Variants in HIVEP3 observed in about 807,000 individuals in gnomAD.
The protein encoded by HIVEP3 is HIVEP zinc finger 3.
HIVEP3 carries 49 observed loss-of-function variants against 152.8 expected under a neutral mutation model. The observed-to-expected ratio is 0.32, with a 90% CI of 0.26 to 0.41. HIVEP3 has a LOEUF of 0.41. HIVEP3 is among the 10% of genes least tolerant of loss of function. The probability of loss-of-function intolerance (pLI) is 1.00; values close to 1 mark genes in which losing one functional copy is unlikely to be tolerated. For missense variants in HIVEP3, 2,790 were observed against 3,103.3 expected, an observed-to-expected ratio of 0.90 and a Z score of 2.40; for synonymous variants, 1,269 against 1,289.0, an observed-to-expected ratio of 0.98 and a Z score of 0.33.
rs1159157139 is a variant in HIVEP3 at position 41,585,215 on chromosome 1, G to A, written c.-418C>T. 5.0e-6 allele frequency: 2 copies of A among 399,036 alleles called. No individual in the cohort carries two copies. Among genetic ancestry groups the A allele is most frequent in the East Asian group, 7.1e-5 (2 of 28,078 alleles). 24.7% of individuals were successfully genotyped at this position (399,036 alleles called of 1,614,324 possible). A position where few individuals can be genotyped will look rare whatever the true frequency, so the allele number is the denominator to read the frequency against. ...TGTGTCCATGGCCCAGTCATCCCTG[G>A]TCCTGGCACAAGAGATGCCACGCTG... is the stretch of plus-strand genomic sequence containing the variant. On this transcript the variant is annotated 5_prime_UTR_variant, in exon 4 of 9. Coordinates refer to ENST00000372583, the MANE Select transcript of HIVEP3 (RefSeq NM_024503.5).
chr1:41,865,755 CTTAAAAG>C (rs1467344310), intron 1 of HIVEP3: 1 of 152,128 alleles, frequency 6.6e-6, no homozygotes, highest in Non-Finnish European at 1.5e-5. Context: ...TTTTAAAAGT[CTTAAAAG>C]TTAAAATTTA....
intron 1 of HIVEP3, among the ~76,000 whole-genome samples, chr1:41,904,258 G>A (rs1644674300): frequency 1.3e-5 from 2 of 152,104 alleles, no homozygotes; most frequent in South Asian, 4.1e-4. Context: ...CAGTCACACA[G>A]GCCTGTGCTT....
At chr1:41,779,373 T>C (rs1055675467) in intron 1 of HIVEP3, among the ~76,000 whole-genome samples, 1 of 152,264 alleles carries the variant, frequency 6.6e-6, no homozygotes, top group Non-Finnish European at 1.5e-5. Flanking sequence ...AATGAGGATA[T>C]GATAGTGCCT....
chr1:41,754,443 A>G (rs1169431250), intron 1 of HIVEP3, among the ~76,000 whole-genome samples: 3 of 152,218 alleles, frequency 2.0e-5, no homozygotes, highest in Non-Finnish European at 4.4e-5. Context: ...AGCCAAGGTA[A>G]TGGCAATGGA....
intron 1 of HIVEP3, among the ~76,000 whole-genome samples, chr1:41,757,206 C>T (rs1325112911): frequency 6.6e-6 from 1 of 151,398 alleles, no homozygotes; most frequent in Non-Finnish European, 1.5e-5. Flanking sequence ...AGCTCTGCCT[C>T]CCAGGTTCAC....
intron 1 of HIVEP3, among the ~76,000 whole-genome samples, chr1:42,035,630 G>A (rs982613538): frequency 6.6e-6 from 1 of 152,006 alleles, no homozygotes; most frequent in Non-Finnish European, 1.5e-5. Context: ...CCCCAGCTGA[G>A]GGGGCCGGCG....
chr1:41,994,619 C>T (rs1645384719), intron 1 of HIVEP3, among the ~76,000 whole-genome samples: 1 of 152,136 alleles, frequency 6.6e-6, no homozygotes, highest in Non-Finnish European at 1.5e-5. Context: ...TCACCTTCCA[C>T]CATGACTGTA....
chr1:41,805,514 TG>T (rs2124318919), intron 1 of HIVEP3, among the ~76,000 whole-genome samples: 1 of 152,302 alleles, frequency 6.6e-6, no homozygotes, highest in African/African-American at 2.4e-5. Flanking sequence ...CAAATGGCCT[TG>T]GGCAAGCTGG....
chr1:41,734,569 A>G (rs1646888718), intron 1 of HIVEP3, among the ~76,000 whole-genome samples: 1 of 152,192 alleles, frequency 6.6e-6, no homozygotes, highest in South Asian at 2.1e-4. Context: ...TGGGTGATTT[A>G]GAAAGGCCCT....
At position 41,843,863 on chromosome 1, in the gene HIVEP3, G is replaced by A. The variant is rs553389982; in HGVS notation, c.-801+74550C>T. 1.7e-4 allele frequency among the ~76,000 whole-genome samples: 26 copies of A among 152,180 alleles called. 1 individual carries two copies. The South Asian group carries it at 5.0e-3, about 29-fold the overall frequency. ...GTTGGTGTGCTGCACCCAGTAACTC[G>A]TCATTTAACATTAGGTATGTCTCCA... On this transcript the variant is annotated intron_variant, in intron 1 of 8. Transcript: ENST00000372583.
At chr1:41,739,981 C>T (rs1361456271) in intron 1 of HIVEP3, among the ~76,000 whole-genome samples, 2 of 152,236 alleles carry the variant, frequency 1.3e-5, no homozygotes, top group Non-Finnish European at 2.9e-5. Flanking sequence ...CCCACAACCA[C>T]GGCATAACCA....
chr1:41,649,281 A>G (rs1245431641), intron 2 of HIVEP3, among the ~76,000 whole-genome samples: 1 of 152,210 alleles, frequency 6.6e-6, no homozygotes, highest in Non-Finnish European at 1.5e-5. Flanking sequence ...GAAACACTGG[A>G]GGCATAAGAA....
intron 3 of HIVEP3, among the ~76,000 whole-genome samples, chr1:41,619,323 CT>C (rs1395116601): frequency 6.6e-6 from 1 of 152,238 alleles, no homozygotes; most frequent in Non-Finnish European, 1.5e-5. Flanking sequence ...CCCGTGCCCC[CT>C]ATTCCTTTCC....
intron 1 of HIVEP3, among the ~76,000 whole-genome samples, chr1:41,768,377 T>C (rs1260315490): frequency 6.6e-6 from 1 of 152,210 alleles, no homozygotes; most frequent in Admixed American, 6.5e-5. Context: ...CGTGATTCAA[T>C]TACCTCCCAC....
chr1:41,884,424 A>C (rs981890951), intron 1 of HIVEP3, among the ~76,000 whole-genome samples: 6 of 152,172 alleles, frequency 3.9e-5, no homozygotes, highest in Non-Finnish European at 7.3e-5. Context: ...GGCATTCCCG[A>C]AATGCCATCA....
At chr1:41,925,169 A>C (rs905377025) in intron 1 of HIVEP3, among the ~76,000 whole-genome samples, 13 of 152,226 alleles carry the variant, frequency 8.5e-5, no homozygotes, top group Non-Finnish European at 5.9e-5. Context: ...AACAGAAAAG[A>C]ATGTATGACA....
chr1:41,929,739 T>TATATATATATATATAC (rs1557527286), intron 1 of HIVEP3, among the ~76,000 whole-genome samples: 1 of 133,944 alleles, frequency 7.5e-6, no homozygotes, highest in Non-Finnish European at 1.5e-5. Context: ...TATATATATA[T>TATATATATATATATAC]ATATATATAT....
intron 1 of HIVEP3, among the ~76,000 whole-genome samples, chr1:41,843,041 A>T (rs1321344587): frequency 6.6e-6 from 1 of 152,242 alleles, no homozygotes; most frequent in Non-Finnish European, 1.5e-5. Context: ...ACAGGAATGC[A>T]GGATGCAGGC....
chr1:41,612,954 C>T (rs1322401707), intron 3 of HIVEP3, among the ~76,000 whole-genome samples: 1 of 152,238 alleles, frequency 6.6e-6, no homozygotes, highest in Non-Finnish European at 1.5e-5. Flanking sequence ...CAGTCTCTGC[C>T]TCTCATTGTC....
Sources: allele counts gnomAD v4.1 joint callset (sites outside exome capture counted in the v4.1 genomes callset), GRCh38; gene constraint gnomAD v4.1.1; transcripts MANE v1.5; gene names NCBI Gene and HGNC (gene_info 2026-07-23, HGNC 2026-07-21).